Variants in ADCY5 observed in about 807,000 individuals in gnomAD.
ADCY5 encodes adenylate cyclase type 5.
ADCY5 carries 30 observed loss-of-function variants against 119.7 expected under a neutral mutation model. The ratio of observed to expected loss-of-function variants is 0.25; its 90% CI spans 0.19 to 0.34. The LOEUF (loss-of-function observed/expected upper bound fraction) is 0.34. ADCY5 is among the 10% of genes least tolerant of loss of function. The pLI, the probability that ADCY5 is intolerant of heterozygous loss-of-function variation, is 1.00. For missense variants in ADCY5, 1,324 were observed against 1,775.2 expected (o/e 0.75, Z 4.57); for synonymous variants, 753 against 762.2 (o/e 0.99, Z 0.20).
intron 1 of ADCY5, among the ~76,000 whole-genome samples, chr3:123,420,479 C>T (rs1945280819): frequency 6.6e-6 from 1 of 152,138 alleles, no homozygotes. Flanking sequence ...AGGTGAGAGG[C>T]AGGAAGGTAG....
chr3:123,329,333 A>G (rs564137580), intron 5 of ADCY5, among the ~76,000 whole-genome samples: 1 of 152,090 alleles, frequency 6.6e-6, no homozygotes, highest in South Asian at 2.1e-4. Context: ...CTCAGGAGGG[A>G]AGGGGAGCCT....
At chr3:123,442,700 G>A (rs939822574) in intron 1 of ADCY5, among the ~76,000 whole-genome samples, 3 of 152,098 alleles carry the variant, frequency 2.0e-5, no homozygotes, top group Admixed American at 2.0e-4. Context: ...GTGCCCCTCC[G>A]CTGAGTCTCT....
intron 9 of ADCY5, among the ~76,000 whole-genome samples, 154 bp downstream of exon 9, chr3:123,320,595 A>C (rs1202835353): frequency 6.6e-6 from 1 of 152,164 alleles, no homozygotes; most frequent in Non-Finnish European, 1.5e-5. Context: ...GCTGCTGCTG[A>C]CCACCTGACG....
chr3:123,348,763 T>G (rs1408287857), intron 2 of ADCY5, among the ~76,000 whole-genome samples: 3 of 152,070 alleles, frequency 2.0e-5, no homozygotes, highest in Non-Finnish European at 4.4e-5. Context: ...GGCCTGCCCT[T>G]CTCCAAGATG....
At position 123,403,380 on chromosome 3, in the gene ADCY5, C is replaced by CAA. The variant is rs35626615; in HGVS notation, c.1134+44030_1134+44031dup. Among the ~76,000 whole-genome samples, 187 of 67,918 alleles carry CAA rather than the reference C, an allele frequency of 2.8e-3. 1 individual carries two copies. The highest frequency in any genetic ancestry group is 6.2e-3 in the African/African-American group (97 of 15,716). 44.6% of individuals were successfully genotyped at this position (67,918 alleles called of 152,430 possible). ...TAGGCAACAGAGCGAGACCCTGTCT[C>CAA]AAAAAAAAAAAAAAAAAAAAAAGAG... is the stretch of plus-strand genomic sequence containing the variant. On this transcript the variant is annotated intron_variant, in intron 1 of 20. Coordinates refer to ENST00000462833, the MANE Select transcript of ADCY5 (RefSeq NM_183357.3).
chr3:123,408,099 G>C (rs1469763979), intron 1 of ADCY5, among the ~76,000 whole-genome samples: 2 of 151,958 alleles, frequency 1.3e-5, no homozygotes, highest in Non-Finnish European at 2.9e-5. Context: ...GGTGGTCTCA[G>C]AGAATACAAA....
chr3:123,325,572 T>G, intron 7 of ADCY5, 110 bp from the exon 8 acceptor site: 3 of 1,391,634 alleles, frequency 2.2e-6, no homozygotes, highest in Non-Finnish European at 3.0e-6. Flanking sequence ...CAGCTGCCCT[T>G]TCCTCTCTGC....
intron 1 of ADCY5, among the ~76,000 whole-genome samples, chr3:123,355,610 G>C (rs1464152703): frequency 6.7e-6 from 1 of 148,482 alleles, no homozygotes; most frequent in Non-Finnish European, 1.5e-5. Context: ...AATAGCACCA[G>C]AAACCATGAA....
At chr3:123,302,038 G>A (rs1939882623) in intron 14 of ADCY5, among the ~76,000 whole-genome samples, 1 of 152,234 alleles carries the variant, frequency 6.6e-6, no homozygotes, top group Non-Finnish European at 1.5e-5. Flanking sequence ...CTGGGTGGGG[G>A]GCCCACACTG....
At chr3:123,374,934 A>G (rs1943765376) in intron 1 of ADCY5, among the ~76,000 whole-genome samples, 1 of 152,244 alleles carries the variant, frequency 6.6e-6, no homozygotes, top group Admixed American at 6.5e-5. Context: ...CTCACACTGA[A>G]GGGTTGAGAA....
intron 3 of ADCY5, among the ~76,000 whole-genome samples, chr3:123,345,091 G>A (rs900352513): frequency 6.6e-6 from 1 of 152,226 alleles, no homozygotes; most frequent in African/African-American, 2.4e-5. Flanking sequence ...CAAAGTCACT[G>A]CCTCCATGGG....
At chr3:123,323,570 A>C (rs1397152404) in intron 8 of ADCY5, among the ~76,000 whole-genome samples, 3 of 142,090 alleles carry the variant, frequency 2.1e-5, no homozygotes, top group South Asian at 2.4e-4. Context: ...CTTCCCCTCC[A>C]CTTCCTGCTC....
chr3:123,294,473 T>C (rs1173109288), intron 17 of ADCY5, among the ~76,000 whole-genome samples: 2 of 152,116 alleles, frequency 1.3e-5, no homozygotes, highest in African/African-American at 2.4e-5. Context: ...TCACCGGTGG[T>C]GGGATGGGTC....
In ADCY5 at chr3:123,353,435, A is replaced by G. The variant is rs74528448; in HGVS notation, c.1135-854T>C. On this transcript the variant is annotated intron_variant, in intron 1 of 20. Transcript: ENST00000462833. ...TTCTCTTGGCAGGTAGAGCTCCTGG[A>G]TATCTGAGTACATGGGTCCTGTTGT... 4.3e-4 allele frequency among the ~76,000 whole-genome samples: 65 copies of G among 152,274 alleles called. 1 individual carries two copies. The East Asian group carries it at 0.012, about 28-fold the overall frequency.
At chr3:123,359,334 ATAT>A (rs1943157750) in intron 1 of ADCY5, among the ~76,000 whole-genome samples, 1 of 14,118 alleles carries the variant, frequency 7.1e-5, no homozygotes, top group Non-Finnish European at 2.2e-4. Context: ...ATACTAAAAT[ATAT>A]ATATATATAT....
chr3:123,291,397 G>A, intron 17 of ADCY5, 21 bp from the exon 18 acceptor site: 1 of 1,596,644 alleles, frequency 6.3e-7, no homozygotes, highest in South Asian at 1.1e-5. Flanking sequence ...AAGACTGCAA[G>A]TCACCCAGAT....
At chr3:123,336,529 CGGGG>C (rs1455788713) in intron 3 of ADCY5, among the ~76,000 whole-genome samples, 1 of 152,188 alleles carries the variant, frequency 6.6e-6, no homozygotes, top group Non-Finnish European at 1.5e-5. Flanking sequence ...GAGATGCCCC[CGGGG>C]TAGGAAGGAA....
At chr3:123,357,079 T>C (rs986380402) in intron 1 of ADCY5, among the ~76,000 whole-genome samples, 1 of 152,072 alleles carries the variant, frequency 6.6e-6, no homozygotes, top group African/African-American at 2.4e-5. Flanking sequence ...GAGCAGTGGG[T>C]AGGGCTGACA....
chr3:123,343,992 A>G (rs1214516594), intron 3 of ADCY5, among the ~76,000 whole-genome samples: 1 of 152,174 alleles, frequency 6.6e-6, no homozygotes, highest in African/African-American at 2.4e-5. Context: ...GCATCAAAAC[A>G]TCCTACAGGC....
Sources: gnomAD v4.1 joint callset for allele counts (sites outside exome capture counted in the v4.1 genomes callset) on GRCh38, gnomAD v4.1.1 for gene constraint, MANE v1.5 for transcripts, NCBI Gene and HGNC (gene_info 2026-07-23, HGNC 2026-07-21) for gene names.